Variants in KAZN observed in about 807,000 individuals in gnomAD.
The protein encoded by KAZN is kazrin, periplakin interacting protein.
Under a neutral mutation model 87.4 loss-of-function variants are expected in KAZN, and 40 were observed. The observed-to-expected ratio is 0.46, with a 90% CI of 0.36 to 0.60. The LOEUF is 0.60. Among genes scored for constraint, KAZN ranks in the 20% least tolerant of loss-of-function variants. KAZN has a pLI of 0.00. For missense variants in KAZN, 898 were observed against 1,073.9 expected (o/e 0.84, Z 2.29); for synonymous variants, 466 against 458.3 (o/e 1.02, Z -0.22).
In KAZN at chr1:14,558,464, T is replaced by G. The variant is rs115529484; in HGVS notation, c.250-40519T>G. On this transcript the variant is annotated intron_variant, in intron 2 of 16. Transcript: ENST00000636203. ...TATCGTTTGTTGGGAGGTCCTTGGA[T>G]GAGCCAGCCATTGTGATAAATACAG... Among the ~76,000 whole-genome samples the G allele has an allele frequency of 5.0e-3, 759 of 152,342 alleles. 10 individuals carry two copies. Among genetic ancestry groups the G allele is most frequent in the African/African-American group, 0.017 (719 of 41,590 alleles).
intron 1 of KAZN, among the ~76,000 whole-genome samples, chr1:14,707,528 G>A (rs2148815797): frequency 6.6e-6 from 1 of 152,242 alleles, no homozygotes; most frequent in South Asian, 2.1e-4. Flanking sequence ...CTGGTGGTGT[G>A]GCTCTTCCTT....
At chr1:14,915,298 T>C (rs1572816512) in intron 1 of KAZN, among the ~76,000 whole-genome samples, 1 of 152,200 alleles carries the variant, frequency 6.6e-6, no homozygotes, top group Non-Finnish European at 1.5e-5. Flanking sequence ...ATTAATTAAA[T>C]GGTAACTTTT....
At position 14,279,902 on chromosome 1, in the gene KAZN, A is replaced by G. The variant is rs74630362; in HGVS notation, c.249+99310A>G. 3.4e-3 allele frequency among the ~76,000 whole-genome samples: 514 copies of G among 152,254 alleles called. 2 individuals are homozygous for G. Among genetic ancestry groups the G allele is most frequent in the African/African-American group, 0.012 (481 of 41,562 alleles). On this transcript the variant is annotated intron_variant, in intron 2 of 16. Coordinates refer to the KAZN transcript ENST00000636203. ...GTACAGGGGCCCACTAGTCATCCCT[A>G]CATCCCCTCGCTGCAGGCCAAAAAC...
Position 15,005,791 on chromosome 1 carries a change from C to CAA in KAZN, c.419-28946_419-28945dup, listed in dbSNP as rs36037344. Among the ~76,000 whole-genome samples the CAA allele has an allele frequency of 4.6e-3, 677 of 145,698 alleles. 7 individuals are homozygous for CAA. The highest frequency in any genetic ancestry group is 0.015 in the African/African-American group (610 of 39,854). ...TGGCAGAGCGATACAACTCCGTCTCCAAAAAAAAAAAAATTGTTTTAACCT... is the reference window on the plus strand; with the variant it reads ...TGGCAGAGCGATACAACTCCGTCTCCAAAAAAAAAAAAAAATTGTTTTAACCT... On this transcript the variant is annotated intron_variant, in intron 2 of 14. Transcript: ENST00000376030.
At chr1:13,994,935 G>A (rs898930408) in intron 1 of KAZN, among the ~76,000 whole-genome samples, 5 of 152,062 alleles carry the variant, frequency 3.3e-5, no homozygotes, top group African/African-American at 1.2e-4. Flanking sequence ...TAGAAAGCAA[G>A]GAGCACCAAG....
At chr1:14,408,446 A>T (rs1411129254) in intron 2 of KAZN, among the ~76,000 whole-genome samples, 2 of 152,174 alleles carry the variant, frequency 1.3e-5, no homozygotes, top group African/African-American at 4.8e-5. Context: ...GGCTGCTATA[A>T]CTAAAGCCAC....
intron 2 of KAZN, among the ~76,000 whole-genome samples, chr1:15,023,211 T>G (rs1314052231): frequency 6.6e-6 from 1 of 152,214 alleles, no homozygotes; most frequent in East Asian, 1.9e-4. Flanking sequence ...CATTGAATTC[T>G]CAGCAGGTTA....
intron 2 of KAZN, among the ~76,000 whole-genome samples, chr1:14,503,485 A>G (rs192613587): frequency 6.7e-6 from 1 of 149,904 alleles, no homozygotes; most frequent in African/African-American, 2.5e-5. Flanking sequence ...CTCTGTCTCA[A>G]AAAAAAAGAT....
chr1:14,214,151 T>C (rs1646910844), intron 2 of KAZN, among the ~76,000 whole-genome samples: 1 of 152,186 alleles, frequency 6.6e-6, no homozygotes, highest in Non-Finnish European at 1.5e-5. Flanking sequence ...TTTAAAATCA[T>C]GAGATTGGAT....
chr1:14,187,399 T>C (rs541001639), intron 2 of KAZN, among the ~76,000 whole-genome samples: 1 of 152,294 alleles, frequency 6.6e-6, no homozygotes, highest in Admixed American at 6.5e-5. Flanking sequence ...TCCAAGAATA[T>C]GGTTTACAAA....
chr1:14,188,072 G>A (rs948683558), intron 2 of KAZN, among the ~76,000 whole-genome samples: 4 of 152,070 alleles, frequency 2.6e-5, no homozygotes, highest in African/African-American at 9.7e-5. Flanking sequence ...ATAACAGTGA[G>A]TTTTAATGTT....
intron 2 of KAZN, among the ~76,000 whole-genome samples, chr1:14,435,901 G>T (rs1666357546): frequency 6.6e-6 from 1 of 151,996 alleles, no homozygotes; most frequent in Middle Eastern, 3.2e-3. Flanking sequence ...TAACGATATG[G>T]GTGACTCTAT....
chr1:14,265,543 T>C (rs901797163), intron 2 of KAZN, among the ~76,000 whole-genome samples: 4 of 152,226 alleles, frequency 2.6e-5, no homozygotes, highest in African/African-American at 9.6e-5. Context: ...ACAAGTGTCA[T>C]CTGGCATGCT....
chr1:14,929,986 G>A lies in KAZN; in HGVS notation c.227-30698G>A, dbSNP rs564545125. Reference sequence around the variant, plus strand: ...AGCCCTCATCAGATGGCATTAGCCCGTCATGTGCTGCAGTGGCACCCAGTT... The same window carrying A: ...AGCCCTCATCAGATGGCATTAGCCCATCATGTGCTGCAGTGGCACCCAGTT... On this transcript the variant is annotated intron_variant, in intron 1 of 14. Coordinates refer to ENST00000376030, the MANE Select transcript of KAZN (RefSeq NM_201628.3). The A allele has an allele frequency of 1.7e-4, 163 of 985,542 alleles. 1 individual carries two copies. In the South Asian group the frequency reaches 6.1e-3, roughly 37 times the overall value. The allele number at this position is 985,542 out of a possible 1,614,324, so 61.0% of individuals were successfully genotyped here. A position where few individuals can be genotyped will look rare whatever the true frequency, so the allele number is the denominator to read the frequency against.
At chr1:14,444,778 C>T (rs1226247208) in intron 2 of KAZN, among the ~76,000 whole-genome samples, 1 of 152,134 alleles carries the variant, frequency 6.6e-6, no homozygotes, top group Non-Finnish European at 1.5e-5. Flanking sequence ...TATCACATGT[C>T]TCACCTTTAA....
At chr1:14,084,051 T>C (rs1643774799) in intron 1 of KAZN, among the ~76,000 whole-genome samples, 1 of 152,124 alleles carries the variant, frequency 6.6e-6, no homozygotes, top group Non-Finnish European at 1.5e-5. Flanking sequence ...GTGAGGAGGC[T>C]GGATAGAAGG....
chr1:14,915,595 C>A (rs574589025), intron 1 of KAZN, among the ~76,000 whole-genome samples: 4 of 152,176 alleles, frequency 2.6e-5, no homozygotes, highest in Non-Finnish European at 4.4e-5. Context: ...CCCTCTGAGT[C>A]CCCCCTCTTT....
chr1:14,956,352 C>G (rs1663101289), intron 1 of KAZN, among the ~76,000 whole-genome samples: 1 of 149,482 alleles, frequency 6.7e-6, no homozygotes. Flanking sequence ...GTAATCCCAG[C>G]ACTTTGGGAG....
At chr1:14,242,822 T>C (rs558293510) in intron 2 of KAZN, among the ~76,000 whole-genome samples, 8 of 152,300 alleles carry the variant, frequency 5.3e-5, no homozygotes, top group African/African-American at 1.7e-4. Flanking sequence ...TACAAACTCT[T>C]CTATATCAGA....
Sources: allele counts gnomAD v4.1 joint callset (sites outside exome capture counted in the v4.1 genomes callset), GRCh38; gene constraint gnomAD v4.1.1; transcripts MANE v1.5; gene names NCBI Gene and HGNC (gene_info 2026-07-23, HGNC 2026-07-21).